CFAP54: variants seen among roughly 807,000 people sequenced by gnomAD.
The protein encoded by CFAP54 is cilia and flagella associated protein 54.
A neutral mutation model predicts 370.4 loss-of-function variants in CFAP54; 290 were observed. That is an observed-to-expected ratio of 0.78 (90% CI 0.71 to 0.86). The LOEUF (loss-of-function observed/expected upper bound fraction) is 0.86. Among genes scored for constraint, CFAP54 ranks in the 40% least tolerant of loss-of-function variants. The probability of loss-of-function intolerance (pLI) is 0.00; values close to 1 mark genes in which losing one functional copy is unlikely to be tolerated. For missense variants in CFAP54, 3,399 were observed against 3,528.7 expected (o/e 0.96, Z 0.93); for synonymous variants, 1,206 against 1,236.5 (o/e 0.98, Z 0.52).
At chr12:96,623,365 G>A (rs979799091) in intron 27 of CFAP54, among the ~76,000 whole-genome samples, 1 of 152,116 alleles carries the variant, frequency 6.6e-6, no homozygotes, top group African/African-American at 2.4e-5. Context: ...TTGTAAAGAA[G>A]CTCCTTCTGG....
chr12:96,765,012 C>T (rs1337337736), intron 59 of CFAP54, 65 bp from the exon 60 acceptor site: 13 of 1,195,324 alleles, frequency 1.1e-5, no homozygotes, highest in South Asian at 3.0e-5. Flanking sequence ...ACATTATTTA[C>T]CTAATAGATA....
intron 17 of CFAP54, among the ~76,000 whole-genome samples, chr12:96,561,181 T>A (rs1238215953): frequency 6.6e-6 from 1 of 152,172 alleles, no homozygotes; most frequent in African/African-American, 2.4e-5. Context: ...TTCCCACATG[T>A]TGTGGGAGCA....
chr12:96,641,653 C>G (rs1956728927), intron 32 of CFAP54, among the ~76,000 whole-genome samples: 1 of 152,098 alleles, frequency 6.6e-6, no homozygotes, highest in Non-Finnish European at 1.5e-5. Context: ...GCACTATTCA[C>G]AATAGCAAAG....
chr12:96,738,589 A>C (rs1251336266), intron 50 of CFAP54, among the ~76,000 whole-genome samples: 1 of 141,730 alleles, frequency 7.1e-6, no homozygotes, highest in East Asian at 2.1e-4. Context: ...CCCTCCAAGC[A>C]CGTCTATGTC....
chr12:96,726,637 C>T (rs1957843035), intron 50 of CFAP54, among the ~76,000 whole-genome samples: 3 of 151,814 alleles, frequency 2.0e-5, no homozygotes, highest in Admixed American at 2.0e-4. Context: ...CTCCTGGATT[C>T]ATTAATTTTT....
intron 3 of CFAP54, among the ~76,000 whole-genome samples, chr12:96,506,415 C>T (rs1489364273): frequency 6.7e-6 from 1 of 148,980 alleles, no homozygotes; most frequent in East Asian, 1.9e-4. Context: ...TTTCTTGTGA[C>T]TAAGGAAAGC....
At chr12:96,851,017 TA>T (rs902798242) in intron 66 of CFAP54, among the ~76,000 whole-genome samples, 1 of 152,340 alleles carries the variant, frequency 6.6e-6, no homozygotes, top group Admixed American at 6.5e-5. Flanking sequence ...TATCACTTTG[TA>T]AAAAGTTATG....
At chr12:96,532,035 G>C (rs1955445515) in intron 9 of CFAP54, among the ~76,000 whole-genome samples, 2 of 152,268 alleles carry the variant, frequency 1.3e-5, no homozygotes, top group Middle Eastern at 3.4e-3. Context: ...CATCAATGAT[G>C]ATGTACTTTA....
intron 8 of CFAP54, 112 bp from the exon 9 acceptor site, chr12:96,527,134 C>T: frequency 1.1e-6 from 1 of 932,554 alleles, no homozygotes; most frequent in African/African-American, 1.7e-5. Flanking sequence ...TTGGGTCAAG[C>T]AATCCTCCTG....
intron 47 of CFAP54, among the ~76,000 whole-genome samples, chr12:96,708,002 A>G (rs774270929): frequency 6.6e-6 from 1 of 152,066 alleles, no homozygotes; most frequent in Non-Finnish European, 1.5e-5. Context: ...AAATGGGACA[A>G]TTTGTGTGAT....
intron 55 of CFAP54, among the ~76,000 whole-genome samples, chr12:96,750,876 A>G (rs1022473967): frequency 7.2e-5 from 11 of 152,242 alleles, no homozygotes; most frequent in African/African-American, 2.7e-4. Flanking sequence ...CATCAGTTTT[A>G]CAACGTCTTT....
chr12:96,695,233 TAC>T (rs1957430540), intron 45 of CFAP54, among the ~76,000 whole-genome samples: 2 of 152,206 alleles, frequency 1.3e-5, no homozygotes, highest in African/African-American at 4.8e-5. Context: ...GCTTCATTCA[TAC>T]TTCTGCTTTT....
At chr12:96,505,864 A>G (rs1191252720) in intron 3 of CFAP54, among the ~76,000 whole-genome samples, 5 of 152,194 alleles carry the variant, frequency 3.3e-5, no homozygotes. Context: ...ATGAGCCTGT[A>G]ACTGTTTTCC....
At chr12:96,670,738 T>C (rs987084327) in intron 39 of CFAP54, among the ~76,000 whole-genome samples, 1 of 152,176 alleles carries the variant, frequency 6.6e-6, no homozygotes, top group Non-Finnish European at 1.5e-5. Flanking sequence ...CAGTCAACTA[T>C]CATAGAGAGA....
At chr12:96,818,370 T>G (rs997733558) in intron 65 of CFAP54, among the ~76,000 whole-genome samples, 1 of 152,236 alleles carries the variant, frequency 6.6e-6, no homozygotes, top group Non-Finnish European at 1.5e-5. Flanking sequence ...TAGTATGCTA[T>G]TAAGTCTGGT....
chr12:96,667,274 G>A (rs781525160), intron 39 of CFAP54, among the ~76,000 whole-genome samples: 4 of 152,126 alleles, frequency 2.6e-5, no homozygotes, highest in Non-Finnish European at 5.9e-5. Context: ...TCTTCTCACA[G>A]CTCCACTAGG....
At chr12:96,561,093 C>T (rs1319215729) in intron 17 of CFAP54, among the ~76,000 whole-genome samples, 1 of 152,128 alleles carries the variant, frequency 6.6e-6, no homozygotes, top group African/African-American at 2.4e-5. Context: ...GAGGGAGGCC[C>T]TTCACACTGG....
chr12:96,529,744 C>T (rs1273293144), intron 9 of CFAP54, among the ~76,000 whole-genome samples: 1 of 152,080 alleles, frequency 6.6e-6, no homozygotes, highest in Non-Finnish European at 1.5e-5. Flanking sequence ...TTATTGAATA[C>T]ATGTATTGCA....
At chr12:96,837,264 A>C (rs539177341) in intron 66 of CFAP54, among the ~76,000 whole-genome samples, 1 of 152,302 alleles carries the variant, frequency 6.6e-6, no homozygotes, top group South Asian at 2.1e-4. Context: ...TGATTCTATC[A>C]TGTGACTACC....
Sources: allele counts gnomAD v4.1 joint callset (sites outside exome capture counted in the v4.1 genomes callset), GRCh38; gene constraint gnomAD v4.1.1; transcripts MANE v1.5; gene names NCBI Gene and HGNC (gene_info 2026-07-23, HGNC 2026-07-21).